Variants in MAPRE2 observed in about 807,000 individuals in gnomAD.
The protein encoded by MAPRE2 is microtubule associated protein RP/EB family member 2.
In MAPRE2, 13 loss-of-function variants were observed where a neutral mutation model predicts 43.2. The observed-to-expected ratio is 0.30, with a 90% CI of 0.20 to 0.48. The LOEUF (loss-of-function observed/expected upper bound fraction) is 0.48. Ranked by LOEUF, MAPRE2 falls within the 20% of genes least tolerant of loss-of-function variation. MAPRE2 has a pLI of 0.99. For missense variants in MAPRE2, 161 were observed against 400.2 expected, an observed-to-expected ratio of 0.40 and a Z score of 5.10; for synonymous variants, 135 against 148.8, an observed-to-expected ratio of 0.91 and a Z score of 0.68.
chr18:35,057,260 CCGCCTCAGCCTCCCAAAG>C (rs1260643123), intron 1 of MAPRE2, among the ~76,000 whole-genome samples: 3 of 152,176 alleles, frequency 2.0e-5, no homozygotes, highest in African/African-American at 7.2e-5. Context: ...GGTGATCAAC[CCGCCTCAGCCTCCCAAAG>C]CGCTAGTATT....
At chr18:35,065,110 C>T (rs1906768858) in intron 1 of MAPRE2, among the ~76,000 whole-genome samples, 1 of 151,976 alleles carries the variant, frequency 6.6e-6, no homozygotes, top group Non-Finnish European at 1.5e-5. Context: ...GTCTGGCCAA[C>T]ATGGTGAAAC....
intron 2 of MAPRE2, among the ~76,000 whole-genome samples, chr18:35,082,859 T>C (rs73946515): frequency 0.027 from 4,088 of 152,236 alleles, 84 homozygotes; most frequent in African/African-American, 0.057. Context: ...TTTATAAATA[T>C]TACTAATATT....
intron 2 of MAPRE2, among the ~76,000 whole-genome samples, chr18:35,016,598 G>A (rs2097038418): frequency 6.6e-6 from 1 of 151,986 alleles, no homozygotes; most frequent in Non-Finnish European, 1.5e-5. Context: ...CCACTTGTAT[G>A]TCTTCTTTTA....
Position 35,070,335 on chromosome 18 carries a change from C to A in MAPRE2, c.250+13C>A. Reference sequence around the variant, plus strand: ...CAGCTTTGTTCAGGTAAGACATATTCTTTTAAGTGTTTACCTAAATATTTA... The same window carrying A: ...CAGCTTTGTTCAGGTAAGACATATTATTTTAAGTGTTTACCTAAATATTTA... On this transcript the variant is annotated intron_variant, in intron 2 of 6. Transcript: ENST00000300249. 4 of 1,577,212 alleles carry A rather than the reference C, an allele frequency of 2.5e-6. No individual in the cohort carries two copies. Among genetic ancestry groups the A allele is most frequent in the Non-Finnish European group, 3.4e-6 (4 of 1,164,392 alleles).
intron 1 of MAPRE2, among the ~76,000 whole-genome samples, chr18:35,062,889 A>T (rs1465587070): frequency 2.0e-5 from 3 of 152,208 alleles, no homozygotes; most frequent in Non-Finnish European, 4.4e-5. Flanking sequence ...TGTTTCATTT[A>T]TGTGAAACTG....
chr18:35,041,255 G>A (rs532034413), upstream of MAPRE2: 16 of 1,253,354 alleles, frequency 1.3e-5, 1 homozygote, highest in South Asian at 2.5e-4. Context: ...CTGCTGGCGT[G>A]GTCACGCCGC....
intron 1 of MAPRE2, among the ~76,000 whole-genome samples, chr18:35,065,865 G>C (rs1906814583): frequency 1.3e-5 from 2 of 152,188 alleles, no homozygotes; most frequent in Non-Finnish European, 2.9e-5. Context: ...GCACTGACCA[G>C]GTCTTAAACA....
intron 2 of MAPRE2, among the ~76,000 whole-genome samples, chr18:35,083,850 T>C (rs1907752421): frequency 6.6e-6 from 1 of 152,224 alleles, no homozygotes; most frequent in South Asian, 2.1e-4. Flanking sequence ...AAAATGTTGA[T>C]ACCTAAATCT....
At chr18:35,114,948 G>GT (rs560493094) in intron 4 of MAPRE2, among the ~76,000 whole-genome samples, 158 of 152,282 alleles carry the variant, frequency 1.0e-3, no homozygotes, top group African/African-American at 3.5e-3. Context: ...AGTGACTTAG[G>GT]ATTCATTCTT....
intron 2 of MAPRE2, among the ~76,000 whole-genome samples, chr18:35,091,127 T>A (rs1603400076): frequency 6.6e-6 from 1 of 152,310 alleles, no homozygotes; most frequent in East Asian, 1.9e-4. Context: ...TGTTAAAAAG[T>A]CCATACAGGT....
chr18:35,029,985 G>T (rs2097047030), intron 2 of MAPRE2, among the ~76,000 whole-genome samples: 1 of 152,212 alleles, frequency 6.6e-6, no homozygotes, highest in African/African-American at 2.4e-5. Context: ...TTTCCCTCCA[G>T]AAGGTATCAA....
intron 1 of MAPRE2, among the ~76,000 whole-genome samples, chr18:35,000,958 C>T (rs1004320925): frequency 2.1e-4 from 32 of 152,130 alleles, no homozygotes; most frequent in African/African-American, 5.6e-4. Context: ...ACTCCATACA[C>T]GTACCTGTAG....
chr18:35,141,063 A>G lies in MAPRE2; in HGVS notation c.*694A>G, dbSNP rs983623780. 6.6e-6 allele frequency: 1 copy of G among 152,276 alleles called. No individual in the cohort carries two copies. Among genetic ancestry groups the G allele is most frequent in the African/African-American group, 2.4e-5 (1 of 41,450 alleles). The allele number at this position is 152,276 out of a possible 1,614,324, so 9.4% of individuals were successfully genotyped here. A position where few individuals can be genotyped will look rare whatever the true frequency, so the allele number is the denominator to read the frequency against. On this transcript the variant is annotated 3_prime_UTR_variant, in exon 7 of 7. Coordinates refer to ENST00000300249, the MANE Select transcript of MAPRE2 (RefSeq NM_014268.4). Reference sequence around the variant, plus strand: ...AGTTTTGAAAGACATTCACTCAAGGAAAACACCATCTCAACTTTGCCCGCT... The same window carrying G: ...AGTTTTGAAAGACATTCACTCAAGGGAAACACCATCTCAACTTTGCCCGCT...
At chr18:35,049,546 C>G in intron 1 of MAPRE2, among the ~76,000 whole-genome samples, 1 of 152,112 alleles carries the variant, frequency 6.6e-6, no homozygotes. Context: ...GCACAGCCCT[C>G]CCTTGATAAG....
intron 2 of MAPRE2, among the ~76,000 whole-genome samples, chr18:35,030,010 C>A (rs543456903): frequency 6.6e-6 from 1 of 152,222 alleles, no homozygotes; most frequent in African/African-American, 2.4e-5. Flanking sequence ...ATGGACATTG[C>A]TAGCTGACGC....
At chr18:35,039,511 G>C (rs1428536793), upstream of MAPRE2, among the ~76,000 whole-genome samples, 2 of 152,218 alleles carry the variant, frequency 1.3e-5, no homozygotes, top group African/African-American at 2.4e-5. Flanking sequence ...GAATCAACTT[G>C]TGCACTGTGG....
intron 4 of MAPRE2, among the ~76,000 whole-genome samples, chr18:35,118,752 TC>T (rs1212419442): frequency 6.6e-6 from 1 of 152,146 alleles, no homozygotes; most frequent in Non-Finnish European, 1.5e-5. Context: ...GACCTGCCCT[TC>T]CAGTACATCT....
chr18:35,139,431 G>A (rs897984748), intron 6 of MAPRE2, among the ~76,000 whole-genome samples: 4 of 152,308 alleles, frequency 2.6e-5, no homozygotes, highest in African/African-American at 9.6e-5. Context: ...GTACAGATAC[G>A]GCTGACTGAG....
At chr18:35,114,059 A>C (rs915349570) in intron 4 of MAPRE2, among the ~76,000 whole-genome samples, 3 of 152,176 alleles carry the variant, frequency 2.0e-5, no homozygotes, top group Non-Finnish European at 4.4e-5. Flanking sequence ...AGGCACGGAG[A>C]GGTTTAGTAA....
Sources: allele counts gnomAD v4.1 joint callset (sites outside exome capture counted in the v4.1 genomes callset), GRCh38; gene constraint gnomAD v4.1.1; transcripts MANE v1.5; gene names NCBI Gene and HGNC (gene_info 2026-07-23, HGNC 2026-07-21).